The following NELL2 variants were observed in gnomAD, a reference collection of about 807,000 sequenced individuals.
The protein encoded by NELL2 is protein kinase C-binding protein NELL2.
NELL2 carries 41 observed loss-of-function variants against 109.6 expected under a neutral mutation model. The ratio of observed to expected loss-of-function variants is 0.37; its 90% confidence interval spans 0.29 to 0.49. The LOEUF is 0.49. Ranked by LOEUF, NELL2 falls within the 20% of genes least tolerant of loss-of-function variation. The probability of loss-of-function intolerance (pLI) is 0.98; values close to 1 mark genes in which losing one functional copy is unlikely to be tolerated. For missense variants in NELL2, 900 were observed against 1,008.3 expected, an observed-to-expected ratio of 0.89 and a Z score of 1.45; for synonymous variants, 355 against 344.7, an observed-to-expected ratio of 1.03 and a Z score of -0.33.
At chr12:44,746,965 T>G (rs1021384663) in intron 9 of NELL2, among the ~76,000 whole-genome samples, 1 of 152,162 alleles carries the variant, frequency 6.6e-6, no homozygotes, top group African/African-American at 2.4e-5. Context: ...ACCCAAAGGA[T>G]TATAAATCAT....
At chr12:44,558,767 C>T (rs908760592) in intron 15 of NELL2, among the ~76,000 whole-genome samples, 1 of 152,128 alleles carries the variant, frequency 6.6e-6, no homozygotes, top group African/African-American at 2.4e-5. Flanking sequence ...AGACACTGAG[C>T]TAGCTGCAGG....
chr12:44,532,049 G>T (rs1430313110), intron 16 of NELL2, among the ~76,000 whole-genome samples: 1 of 152,086 alleles, frequency 6.6e-6, no homozygotes, highest in Non-Finnish European at 1.5e-5. Context: ...ACTCCTCTTA[G>T]ATTGAAAACT....
intron 15 of NELL2, among the ~76,000 whole-genome samples, chr12:44,602,474 A>C (rs781601000): frequency 9.5e-4 from 144 of 152,312 alleles, no homozygotes; most frequent in Non-Finnish European, 1.4e-3. Context: ...TGTACATGAA[A>C]TTTGCATTTG....
rs1158108360 is a variant in NELL2, at chr12:44,791,443, G to A, written c.336-11421C>T. Among the ~76,000 whole-genome samples, 8 of 150,812 alleles carry A rather than the reference G, an allele frequency of 5.3e-5. No individual in the cohort carries two copies. The East Asian group carries it at 1.6e-3, about 30-fold the overall frequency. On this transcript the variant is annotated intron_variant, in intron 3 of 19. Coordinates refer to ENST00000429094, the MANE Select transcript of NELL2 (RefSeq NM_001145108.2). ...AACTTGGGGGGAAGCCTAGGAGGGG[G>A]CTGAGGCATAAAAGACTATAAATAG...
chr12:44,643,057 A>G (rs923458424), intron 13 of NELL2, among the ~76,000 whole-genome samples: 1 of 152,226 alleles, frequency 6.6e-6, no homozygotes, highest in Non-Finnish European at 1.5e-5. Context: ...CAGCCTTCTC[A>G]TATACTTCTG....
chr12:44,823,095 T>G (rs57190502), intron 2 of NELL2, among the ~76,000 whole-genome samples: 25,584 of 152,116 alleles, frequency 0.17, 2,550 homozygotes, highest in East Asian at 0.41. Flanking sequence ...CTTTTTTTGG[T>G]GGCCAAATTT....
intron 12 of NELL2, among the ~76,000 whole-genome samples, chr12:44,677,820 G>A (rs1006499292): frequency 6.6e-6 from 1 of 152,056 alleles, no homozygotes; most frequent in African/African-American, 2.4e-5. Flanking sequence ...AAACAACTGG[G>A]TGGGTCCATA....
intron 13 of NELL2, among the ~76,000 whole-genome samples, chr12:44,618,780 T>C (rs1001243968): frequency 1.3e-5 from 2 of 152,122 alleles, no homozygotes; most frequent in African/African-American, 4.8e-5. Context: ...AAGAAAACAA[T>C]AACAGTAACA....
chr12:44,563,241 C>A (rs1943536527), intron 15 of NELL2, among the ~76,000 whole-genome samples: 1 of 151,934 alleles, frequency 6.6e-6, no homozygotes, highest in South Asian at 2.1e-4. Context: ...TGCAGCAAAC[C>A]ACCATGGCAC....
intron 1 of NELL2, among the ~76,000 whole-genome samples, chr12:44,893,719 A>T (rs1341805520): frequency 1.3e-5 from 2 of 152,130 alleles, no homozygotes; most frequent in Non-Finnish European, 2.9e-5. Flanking sequence ...GGGGTGCCCC[A>T]AGCCTTCTAA....
chr12:44,630,441 G>C (rs1049495506), intron 13 of NELL2, among the ~76,000 whole-genome samples: 7 of 152,152 alleles, frequency 4.6e-5, no homozygotes, highest in African/African-American at 1.7e-4. Flanking sequence ...AAGAAGCTCT[G>C]AATTGAACTA....
At chr12:44,550,319 A>T (rs1942981810) in intron 15 of NELL2, among the ~76,000 whole-genome samples, 1 of 152,132 alleles carries the variant, frequency 6.6e-6, no homozygotes, top group Admixed American at 6.6e-5. Flanking sequence ...ACTTGAAATC[A>T]GGATCTTGAA....
intron 13 of NELL2, among the ~76,000 whole-genome samples, chr12:44,660,922 A>G (rs1012449069): frequency 6.6e-6 from 1 of 152,124 alleles, no homozygotes; most frequent in Admixed American, 6.6e-5. Context: ...TGGTTTGGCA[A>G]TTATCACATT....
chr12:44,713,943 T>A (rs1291275005), intron 10 of NELL2, among the ~76,000 whole-genome samples: 1 of 151,850 alleles, frequency 6.6e-6, no homozygotes, highest in Non-Finnish European at 1.5e-5. Context: ...AACTATCAAA[T>A]AAAAATGAAA....
chr12:44,852,211 T>C (rs1442076869), intron 2 of NELL2, among the ~76,000 whole-genome samples: 2 of 152,214 alleles, frequency 1.3e-5, no homozygotes, highest in Admixed American at 1.3e-4. Context: ...AATTTAATTA[T>C]CTAAAGAATG....
In NELL2 at chr12:44,788,482, G is replaced by A. The variant is rs186728198; in HGVS notation, c.336-8460C>T. ...CTAGAGAGCCTAGTCAAATACAAGC[G>A]TAGAGGAAGCAGAGGGAAAGGCCCT... On this transcript the variant is annotated intron_variant, in intron 3 of 19. Coordinates refer to ENST00000429094, the MANE Select transcript of NELL2 (RefSeq NM_001145108.2). Among the ~76,000 whole-genome samples the A allele has an allele frequency of 2.8e-3, 423 of 152,300 alleles. 4 individuals carry two copies. Among genetic ancestry groups the A allele is most frequent in the Admixed American group, 0.022 (329 of 15,294 alleles).
Position 44,508,632 on chromosome 12 carries a change from G to A in NELL2, c.*302C>T, listed in dbSNP as rs779770567. On this transcript the variant is annotated 3_prime_UTR_variant, in exon 20 of 20. Transcript: ENST00000429094. ...ACCAGTGAAGCTAGAGGCTTTCACA[G>A]ATCCAATGGGCTCAGGCTTTCTATC... 142 of 230,498 alleles carry A rather than the reference G, an allele frequency of 6.2e-4. 1 individual carries two copies. Among genetic ancestry groups the A allele is most frequent in the Non-Finnish European group, 9.6e-4 (115 of 119,212 alleles). 14.3% of individuals were successfully genotyped at this position (230,498 alleles called of 1,614,324 possible).
At chr12:44,630,194 T>C (rs1471768361) in intron 13 of NELL2, among the ~76,000 whole-genome samples, 2 of 152,362 alleles carry the variant, frequency 1.3e-5, no homozygotes, top group East Asian at 3.9e-4. Context: ...TATGTTTAGC[T>C]ATTTGTTGAG....
At chr12:44,911,244 G>A (rs901903672) in intron 1 of NELL2, among the ~76,000 whole-genome samples, 1 of 152,024 alleles carries the variant, frequency 6.6e-6, no homozygotes, top group Non-Finnish European at 1.5e-5. Flanking sequence ...ATTTCCCTGA[G>A]TATTTTAACT....
Sources: gnomAD v4.1 joint callset for allele counts (sites outside exome capture counted in the v4.1 genomes callset) on GRCh38, gnomAD v4.1.1 for gene constraint, MANE v1.5 for transcripts, NCBI Gene and HGNC (gene_info 2026-07-23, HGNC 2026-07-21) for gene names.